Variants in RNF144A observed in about 807,000 individuals in gnomAD.
RNF144A encodes the protein E3 ubiquitin-protein ligase RNF144A.
RNF144A carries 11 observed loss-of-function variants against 38.7 expected under a neutral mutation model. That is an observed-to-expected ratio of 0.28 (90% CI 0.18 to 0.47). RNF144A has a LOEUF of 0.47. Ranked by LOEUF, RNF144A falls within the 20% of genes least tolerant of loss-of-function variation. The probability of loss-of-function intolerance (pLI) is 0.99; values close to 1 mark genes in which losing one functional copy is unlikely to be tolerated. For missense variants in RNF144A, 316 were observed against 377.2 expected, an observed-to-expected ratio of 0.84 and a Z score of 1.34; for synonymous variants, 149 against 143.9, an observed-to-expected ratio of 1.04 and a Z score of -0.25.
intron 6 of RNF144A, among the ~76,000 whole-genome samples, chr2:7,059,334 A>G (rs1673864896): frequency 6.6e-6 from 1 of 152,140 alleles, no homozygotes; most frequent in Non-Finnish European, 1.5e-5. Flanking sequence ...TGACAGAGCG[A>G]GACTCCGCCT....
chr2:6,988,054 G>A (rs546589410), intron 2 of RNF144A, among the ~76,000 whole-genome samples: 32 of 152,216 alleles, frequency 2.1e-4, no homozygotes, highest in African/African-American at 6.7e-4. Context: ...TTAATTTAGC[G>A]TTTCTCAGAT....
chr2:6,930,162 A>C (rs749863858), intron 1 of RNF144A, among the ~76,000 whole-genome samples: 1 of 152,228 alleles, frequency 6.6e-6, no homozygotes, highest in Non-Finnish European at 1.5e-5. Flanking sequence ...TAATAGCCCC[A>C]AATGGAAAAC....
intron 8 of RNF144A, among the ~76,000 whole-genome samples, chr2:7,031,748 G>A (rs1225573581): frequency 6.6e-6 from 1 of 152,234 alleles, no homozygotes; most frequent in African/African-American, 2.4e-5. Flanking sequence ...CGACCACGTG[G>A]CAGAGCCTGT....
chr2:6,923,094 G>A (rs539108121), intron 1 of RNF144A, among the ~76,000 whole-genome samples: 1 of 152,206 alleles, frequency 6.6e-6, no homozygotes, highest in African/African-American at 2.4e-5. Context: ...CCACCTGCTC[G>A]ACCCCTGCTA....
At chr2:7,024,968 C>G (rs563426670) in intron 7 of RNF144A, among the ~76,000 whole-genome samples, 1 of 150,180 alleles carries the variant, frequency 6.7e-6, no homozygotes, top group South Asian at 2.1e-4. Flanking sequence ...TCCTGGTGTT[C>G]AGGATAGTGA....
rs1673067592 is a variant in RNF144A at position 7,041,910 on chromosome 2, G to T, written c.*2150G>T. The T allele has an allele frequency of 4.1e-6, 4 of 985,454 alleles. No individual in the cohort carries two copies. The highest frequency in any genetic ancestry group is 4.8e-6 in the Non-Finnish European group (4 of 829,956). The allele number at this position is 985,454 out of a possible 1,614,324, so 61.0% of individuals were successfully genotyped here. Reference sequence around the variant, plus strand: ...AGAGGGACAGGCTGTTCTGTTGGAAGAGTCTCTGGCCCAGTCATGCACATC... The same window carrying T: ...AGAGGGACAGGCTGTTCTGTTGGAATAGTCTCTGGCCCAGTCATGCACATC... On this transcript the variant is annotated 3_prime_UTR_variant, in exon 9 of 9. Coordinates refer to ENST00000320892, the MANE Select transcript of RNF144A (RefSeq NM_014746.6).
At chr2:6,967,972 G>GT (rs200199924) in intron 2 of RNF144A, among the ~76,000 whole-genome samples, 2 of 151,928 alleles carry the variant, frequency 1.3e-5, no homozygotes, top group East Asian at 3.9e-4. Context: ...AAGGAACAGT[G>GT]TTTTTTTTCA....
chr2:6,966,288 G>A (rs1667663399), intron 2 of RNF144A, among the ~76,000 whole-genome samples: 1 of 152,180 alleles, frequency 6.6e-6, no homozygotes, highest in Non-Finnish European at 1.5e-5. Context: ...TCCAAATATT[G>A]GATGTTTTCT....
intron 2 of RNF144A, among the ~76,000 whole-genome samples, chr2:6,985,024 C>G (rs1422230855): frequency 6.6e-6 from 1 of 152,216 alleles, no homozygotes; most frequent in East Asian, 1.9e-4. Context: ...ATGCTCTCTT[C>G]TGTTCACTGA....
intron 2 of RNF144A, among the ~76,000 whole-genome samples, chr2:6,959,723 G>C (rs140711183): frequency 1.3e-5 from 2 of 152,078 alleles, no homozygotes; most frequent in African/African-American, 4.8e-5. Context: ...ATCCATAACC[G>C]GTGAATGGAT....
chr2:7,071,145 A>G (rs1674467600), downstream of RNF144A, among the ~76,000 whole-genome samples: 1 of 152,152 alleles, frequency 6.6e-6, no homozygotes, highest in Non-Finnish European at 1.5e-5. Context: ...CATGTTGGCC[A>G]GGCTGGCCTC....
chr2:7,031,255 T>C (rs576934061), intron 8 of RNF144A, among the ~76,000 whole-genome samples: 1 of 152,340 alleles, frequency 6.6e-6, no homozygotes, highest in African/African-American at 2.4e-5. Flanking sequence ...TATTAACTTG[T>C]GCTTTCAACA....
chr2:7,005,123 C>A lies in RNF144A; in HGVS notation c.135+8062C>A, dbSNP rs142497341. Among the ~76,000 whole-genome samples, 1,056 of 152,336 alleles carry A rather than the reference C, an allele frequency of 6.9e-3. 9 individuals carry two copies. Among genetic ancestry groups the A allele is most frequent in the African/African-American group, 0.022 (920 of 41,570 alleles). On this transcript the variant is annotated intron_variant, in intron 3 of 8. Transcript: ENST00000320892. ...TAAATATCTTACACTGTGATATTGG[C>A]CTGCCCTGGTAAGAGTGAATGGTGG... is the stretch of plus-strand genomic sequence containing the variant.
chr2:6,949,108 G>C (rs1666517367), intron 2 of RNF144A, among the ~76,000 whole-genome samples: 1 of 152,088 alleles, frequency 6.6e-6, no homozygotes. Context: ...GAAAACTTTG[G>C]TGCAGGCTAA....
chr2:7,003,422 T>G (rs919715710), intron 3 of RNF144A, among the ~76,000 whole-genome samples: 2 of 152,228 alleles, frequency 1.3e-5, no homozygotes, highest in Admixed American at 1.3e-4. Flanking sequence ...TTATAGCATA[T>G]TTTAAACCTC....
rs1256307259 is a variant in RNF144A, at chr2:6,990,456, TATATA to T, written c.-11-6453_-11-6449del. 5.1e-3 allele frequency among the ~76,000 whole-genome samples: 604 copies of T among 119,092 alleles called. 5 individuals are homozygous for T. Among genetic ancestry groups the T allele is most frequent in the African/African-American group, 0.019 (571 of 30,490 alleles). The allele number at this position is 119,092 out of a possible 152,430, so 78.1% of individuals were successfully genotyped here. A position where few individuals can be genotyped will look rare whatever the true frequency, so the allele number is the denominator to read the frequency against. ...CACACAGAGCTATATATATATATAA[TATATA>T]ATATAACATATAATATATATAGCAT... On this transcript the variant is annotated intron_variant, in intron 2 of 8. Coordinates refer to ENST00000320892, the MANE Select transcript of RNF144A (RefSeq NM_014746.6).
rs1025349720 is a variant in RNF144A at position 6,943,957 on chromosome 2, G to A, written c.-12+2810G>A. On this transcript the variant is annotated intron_variant, in intron 2 of 8. Coordinates refer to ENST00000320892, the MANE Select transcript of RNF144A (RefSeq NM_014746.6). The surrounding 1 kb of genome is among the most constrained non-coding windows in gnomAD (Gnocchi z 4.3). The stretch of plus-strand genomic sequence containing the variant: ...ACTGAAAGAGCCACTCTGGGTGACT[G>A]CATGCTTCTCTAGACAGCCCTGATG... Among the ~76,000 whole-genome samples the A allele has an allele frequency of 5.5e-4, 84 of 152,342 alleles. No homozygotes were observed. The highest frequency in any genetic ancestry group is 2.0e-3 in the African/African-American group (82 of 41,588).
At chr2:7,075,523 C>T in the RNF144A span, among the ~76,000 whole-genome samples, 1 of 152,048 alleles carries the variant, frequency 6.6e-6, no homozygotes, top group Non-Finnish European at 1.5e-5. Context: ...GTCATCAGGG[C>T]CCTCATGATG....
intron 1 of RNF144A, among the ~76,000 whole-genome samples, chr2:6,929,861 A>C (rs970813265): frequency 2.0e-5 from 3 of 152,270 alleles, no homozygotes; most frequent in African/African-American, 7.2e-5. Flanking sequence ...ATTTAAAAAA[A>C]CAATTCTAAG....
Sources: gnomAD v4.1 joint callset for allele counts (sites outside exome capture counted in the v4.1 genomes callset) on GRCh38, gnomAD v4.1.1 for gene constraint, Gnocchi (gnomAD v3.1) non-coding constraint, MANE v1.5 for transcripts, NCBI Gene and HGNC (gene_info 2026-07-23, HGNC 2026-07-21) for gene names.